Variants in WWOX observed in about 807,000 individuals in gnomAD.
WWOX encodes WW domain containing oxidoreductase.
In WWOX, 69 loss-of-function variants were observed where a neutral mutation model predicts 46.2. The observed-to-expected ratio is 1.49, with a 90% CI of 1.23 to 1.82. The LOEUF (loss-of-function observed/expected upper bound fraction) is 1.82. Among genes scored for constraint, WWOX ranks in the 40% most tolerant of loss-of-function variants. WWOX has a pLI of 0.00. For synonymous variants in WWOX, 359 were observed against 202.6 expected, an observed-to-expected ratio of 1.77 and a Z score of -6.56; for missense variants, 919 against 542.6, an observed-to-expected ratio of 1.69 and a Z score of -6.89.
intron 8 of WWOX, among the ~76,000 whole-genome samples, chr16:79,146,445 T>C (rs1037394171): frequency 1.1e-4 from 17 of 152,174 alleles, no homozygotes; most frequent in Non-Finnish European, 2.1e-4. Flanking sequence ...GGTCTGTGGC[T>C]GACCTGGGCA....
chr16:78,988,393 G>T (rs753576949), intron 8 of WWOX, among the ~76,000 whole-genome samples: 1 of 151,582 alleles, frequency 6.6e-6, no homozygotes, highest in Non-Finnish European at 1.5e-5. Flanking sequence ...TTTCTCAGAG[G>T]TAGTAATAGG....
intron 8 of WWOX, among the ~76,000 whole-genome samples, chr16:79,185,764 T>A (rs555901613): frequency 3.7e-4 from 56 of 152,058 alleles, no homozygotes; most frequent in Admixed American, 3.1e-3. Flanking sequence ...GAAATGAGAG[T>A]GAGGATAAAC....
chr16:78,621,022 G>C (rs951025548), intron 8 of WWOX, among the ~76,000 whole-genome samples: 1 of 152,112 alleles, frequency 6.6e-6, no homozygotes, highest in Non-Finnish European at 1.5e-5. Context: ...GCTGTTGAAA[G>C]GCTCCTTCTG....
At chr16:78,293,459 C>G (rs952537684) in intron 5 of WWOX, among the ~76,000 whole-genome samples, 3 of 152,186 alleles carry the variant, frequency 2.0e-5, no homozygotes, top group African/African-American at 4.8e-5. Flanking sequence ...ATCCTCTCTT[C>G]TCTCCTGTAT....
rs139726363 is a variant in WWOX at position 78,251,950 on chromosome 16, G to T, written c.516+87661G>T. On this transcript the variant is annotated intron_variant, in intron 5 of 8. Coordinates refer to ENST00000566780, the MANE Select transcript of WWOX (RefSeq NM_016373.4). Reference sequence around the variant, plus strand: ...GAGTTGTCAATACATCTTTGTTGGAGTATTTGATTATTTTTTCAACAGGGA... The same window carrying T: ...GAGTTGTCAATACATCTTTGTTGGATTATTTGATTATTTTTTCAACAGGGA... Among the ~76,000 whole-genome samples the T allele has an allele frequency of 6.0e-3, 912 of 152,260 alleles. 4 individuals are homozygous for T. Among genetic ancestry groups the T allele is most frequent in the Middle Eastern group, 0.014 (4 of 294 alleles).
chr16:78,981,503 T>C lies in WWOX; in HGVS notation c.1057-230105T>C, dbSNP rs533935483. Among the ~76,000 whole-genome samples the C allele has an allele frequency of 4.0e-4, 60 of 151,872 alleles. 1 individual carries two copies. In the East Asian group the frequency reaches 9.3e-3, roughly 24 times the overall value. Reference sequence around the variant, plus strand: ...TCCAGGCTGGCATGCAGTGGCACAATCTGGGCTCACTGCAACCTCCACTTT... The same window carrying C: ...TCCAGGCTGGCATGCAGTGGCACAACCTGGGCTCACTGCAACCTCCACTTT... On this transcript the variant is annotated intron_variant, in intron 8 of 8. Coordinates refer to ENST00000566780, the MANE Select transcript of WWOX (RefSeq NM_016373.4).
At chr16:78,464,700 C>T (rs547104969) in intron 8 of WWOX, among the ~76,000 whole-genome samples, 1 of 152,264 alleles carries the variant, frequency 6.6e-6, no homozygotes, top group Non-Finnish European at 1.5e-5. Context: ...ACCCGTGCAG[C>T]AATTCTTCCT....
At chr16:78,670,418 T>G (rs1424890819) in intron 8 of WWOX, among the ~76,000 whole-genome samples, 2 of 152,158 alleles carry the variant, frequency 1.3e-5, no homozygotes, top group African/African-American at 4.8e-5. Context: ...CATGCTGCAT[T>G]GGTGTGTTAC....
chr16:78,826,071 A>C (rs2051647027), intron 8 of WWOX: 2 of 393,714 alleles, frequency 5.1e-6, no homozygotes, highest in East Asian at 4.4e-5. Flanking sequence ...TTAATAAAAT[A>C]TTGTACAAAG....
chr16:78,940,726 G>A (rs1253495071), intron 8 of WWOX, among the ~76,000 whole-genome samples: 1 of 151,012 alleles, frequency 6.6e-6, no homozygotes, highest in Non-Finnish European at 1.5e-5. Context: ...TACCCAGCGG[G>A]GTTACTTTTT....
At chr16:78,667,570 C>G (rs2047360347) in intron 8 of WWOX, among the ~76,000 whole-genome samples, 1 of 146,518 alleles carries the variant, frequency 6.8e-6, no homozygotes, top group Non-Finnish European at 1.5e-5. Flanking sequence ...ACTCGGGAGA[C>G]TGAGGCAGGA....
intron 8 of WWOX, among the ~76,000 whole-genome samples, chr16:78,889,076 G>A (rs1019837414): frequency 8.6e-5 from 13 of 152,024 alleles, no homozygotes; most frequent in Admixed American, 6.6e-4. Flanking sequence ...GTCTCTCTTT[G>A]AATTCAACTC....
chr16:78,356,071 T>TAAAAAAAAAAA (rs61113878), intron 5 of WWOX, among the ~76,000 whole-genome samples: 1,714 of 75,934 alleles, frequency 0.023, 97 homozygotes, highest in Middle Eastern at 0.029. Flanking sequence ...TTTTTTTTCC[T>TAAAAAAAAAAA]AAAAAAAAAA....
chr16:78,988,751 C>A (rs2046828863), intron 8 of WWOX, among the ~76,000 whole-genome samples: 1 of 152,194 alleles, frequency 6.6e-6, no homozygotes, highest in African/African-American at 2.4e-5. Context: ...AAGTTAGTTT[C>A]TTCCCAGAGA....
intron 8 of WWOX, among the ~76,000 whole-genome samples, chr16:78,775,582 G>T (rs958299100): frequency 6.6e-6 from 1 of 152,106 alleles, no homozygotes; most frequent in African/African-American, 2.4e-5. Flanking sequence ...GGAGGGCATG[G>T]TGTTTCACTC....
chr16:79,032,573 T>C (rs1411474096), intron 8 of WWOX, among the ~76,000 whole-genome samples: 1 of 148,350 alleles, frequency 6.7e-6, no homozygotes, highest in African/African-American at 2.5e-5. Flanking sequence ...CATACATACA[T>C]ATATAATTTG....
At chr16:78,119,625 A>G (rs1033210974) in intron 4 of WWOX, among the ~76,000 whole-genome samples, 1 of 144,142 alleles carries the variant, frequency 6.9e-6, no homozygotes, top group African/African-American at 2.5e-5. Flanking sequence ...CATCCATTAA[A>G]TTTTTTTTTT....
At chr16:78,390,828 G>C (rs2082160260) in intron 6 of WWOX, among the ~76,000 whole-genome samples, 1 of 152,168 alleles carries the variant, frequency 6.6e-6, no homozygotes, top group African/African-American at 2.4e-5. Context: ...TGCCAGTTCA[G>C]AACCAATCTC....
intron 5 of WWOX, among the ~76,000 whole-genome samples, chr16:78,297,472 T>G (rs1357411698): frequency 6.6e-6 from 1 of 152,174 alleles, no homozygotes; most frequent in Non-Finnish European, 1.5e-5. Flanking sequence ...TGATTTCCAT[T>G]TGATGCCAAA....
Sources: allele counts gnomAD v4.1 joint callset (sites outside exome capture counted in the v4.1 genomes callset), GRCh38; gene constraint gnomAD v4.1.1; transcripts MANE v1.5; gene names NCBI Gene and HGNC (gene_info 2026-07-23, HGNC 2026-07-21).